PTBP2: variants seen among roughly 807,000 people sequenced by gnomAD.
The protein encoded by PTBP2 is polypyrimidine tract binding protein 2.
A neutral mutation model predicts 61.4 loss-of-function variants in PTBP2; 13 were observed. That is an observed-to-expected ratio of 0.21 (90% CI 0.14 to 0.34). PTBP2 has a LOEUF of 0.34. Ranked by LOEUF, PTBP2 falls within the 10% of genes least tolerant of loss-of-function variation. The pLI is 1.00. For synonymous variants in PTBP2, 215 were observed against 218.5 expected (o/e 0.98, Z 0.14); for missense variants, 405 against 642.6 (o/e 0.63, Z 4.00).
At chr1:96,766,304 A>G (rs1452106400) in intron 3 of PTBP2, among the ~76,000 whole-genome samples, 2 of 152,240 alleles carry the variant, frequency 1.3e-5, no homozygotes, top group Admixed American at 6.5e-5. Context: ...TTCATATACA[A>G]TGAATAAAAT....
intron 3 of PTBP2, among the ~76,000 whole-genome samples, chr1:96,752,353 A>G (rs1654655384): frequency 6.6e-6 from 1 of 152,170 alleles, no homozygotes; most frequent in African/African-American, 2.4e-5. Flanking sequence ...ATTTGGCAAT[A>G]AAAGGATCAT....
chr1:96,806,254 TC>T, intron 9 of PTBP2, among the ~76,000 whole-genome samples, 164 bp from the exon 10 acceptor site: 1 of 152,202 alleles, frequency 6.6e-6, no homozygotes. Context: ...GAACAAATGT[TC>T]CTCGGACCAA....
chr1:96,815,819 C>T (rs940361256), downstream of PTBP2: 2 of 152,116 alleles, frequency 1.3e-5, no homozygotes, highest in Admixed American at 6.6e-5. Flanking sequence ...GATTTGGAAG[C>T]TAGGTGATCT....
chr1:96,763,257 G>T (rs1656233455), intron 3 of PTBP2, among the ~76,000 whole-genome samples: 1 of 152,118 alleles, frequency 6.6e-6, no homozygotes, highest in Non-Finnish European at 1.5e-5. Context: ...AACGAGCCGA[G>T]ATCACGCCAC....
Position 96,812,294 on chromosome 1 carries a change from A to C in PTBP2, c.1172-418A>C, listed in dbSNP as rs562425726. ...TATGAGACTGAGTTATCCAGATAAA[A>C]AATAATGTCAGCGAGAAGTAGAGAA... is the stretch of plus-strand genomic sequence containing the variant. On this transcript the variant is annotated intron_variant, in intron 11 of 13. Coordinates refer to ENST00000674951, the MANE Select transcript of PTBP2 (RefSeq NM_021190.4). Among the ~76,000 whole-genome samples, 303 of 152,332 alleles carry C rather than the reference A, an allele frequency of 2.0e-3. 1 individual carries two copies. Among genetic ancestry groups the C allele is most frequent in the Non-Finnish European group, 3.4e-3 (233 of 68,026 alleles).
intron 8 of PTBP2, among the ~76,000 whole-genome samples, chr1:96,799,293 G>GTTTTTTTTTT (rs1557768004): frequency 2.3e-5 from 2 of 88,282 alleles, no homozygotes; most frequent in African/African-American, 1.2e-4. Context: ...AATAGATCAA[G>GTTTTTTTTTT]CTTTTTTTTT....
intron 2 of PTBP2, among the ~76,000 whole-genome samples, chr1:96,744,330 T>A (rs904461683): frequency 2.0e-5 from 3 of 152,208 alleles, no homozygotes; most frequent in Admixed American, 2.0e-4. Flanking sequence ...ATATATTTTT[T>A]AATTTTCTCA....
intron 11 of PTBP2, among the ~76,000 whole-genome samples, chr1:96,809,034 A>G (rs1314035216): frequency 6.6e-6 from 1 of 152,202 alleles, no homozygotes; most frequent in Non-Finnish European, 1.5e-5. Context: ...AAATACCTTT[A>G]TTAACTTAAG....
Position 96,785,214 on chromosome 1 carries a change from A to C in PTBP2, c.864A>C (p.Pro288=), listed in dbSNP as rs761387734. 6.2e-7 allele frequency: 1 copy of C among 1,602,380 alleles called. No individual in the cohort carries two copies. The highest frequency in any genetic ancestry group is 8.5e-7 in the Non-Finnish European group (1 of 1,175,782). Reference sequence around the variant, plus strand: ...GGGATGGACAACCTGCATTGGACCCAGCTATTGCTGCAGCATTTGCCAAGG... The same window carrying C: ...GGGATGGACAACCTGCATTGGACCCCGCTATTGCTGCAGCATTTGCCAAGG... ...PSGDGQPALD[P]AIAAAFAKET... Residue 288 remains proline, a synonymous_variant, in exon 8 of 14, where the codon CCA becomes CCC. Coordinates refer to ENST00000674951, the MANE Select transcript of PTBP2 (RefSeq NM_021190.4).
chr1:96,730,474 A>T (rs1651248572), intron 2 of PTBP2, among the ~76,000 whole-genome samples: 1 of 152,082 alleles, frequency 6.6e-6, no homozygotes. Context: ...TATTTATGTT[A>T]TTTAATTTCC....
At chr1:96,812,256 A>G (rs1319094760) in intron 11 of PTBP2, among the ~76,000 whole-genome samples, 1 of 152,222 alleles carries the variant, frequency 6.6e-6, no homozygotes, top group Non-Finnish European at 1.5e-5. Flanking sequence ...AAATTATCCA[A>G]CAGGAAGACA....
At chr1:96,807,885 C>T (rs1295336070) in intron 11 of PTBP2, among the ~76,000 whole-genome samples, 1 of 152,138 alleles carries the variant, frequency 6.6e-6, no homozygotes, top group Non-Finnish European at 1.5e-5. Context: ...TAAAGAGATA[C>T]GAAAGTGCTG....
chr1:96,751,193 A>G (rs1007627349), intron 2 of PTBP2: 1 of 573,350 alleles, frequency 1.7e-6, no homozygotes, highest in South Asian at 1.8e-5. Context: ...CACTTTTTCT[A>G]TTTATTGTCT....
chr1:96,793,349 A>G, intron 8 of PTBP2, among the ~76,000 whole-genome samples: 1 of 152,128 alleles, frequency 6.6e-6, no homozygotes, highest in East Asian at 1.9e-4. Context: ...AGAGTTGTTC[A>G]TTTAAATTGT....
chr1:96,821,613 A>T (rs1448495343), exon 14 of PTBP2: 1 of 147,696 alleles, frequency 6.8e-6, no homozygotes, highest in Non-Finnish European at 1.5e-5. Flanking sequence ...TAAATTGCTA[A>T]CATTTGCTTT....
At chr1:96,745,921 C>T (rs554995094) in intron 2 of PTBP2, among the ~76,000 whole-genome samples, 77 of 151,974 alleles carry the variant, frequency 5.1e-4, no homozygotes, top group Non-Finnish European at 8.4e-4. Context: ...CCATAATTAG[C>T]GGGGTATGGT....
intron 3 of PTBP2, among the ~76,000 whole-genome samples, chr1:96,761,449 A>T (rs1286811626): frequency 1.3e-5 from 2 of 151,662 alleles, no homozygotes; most frequent in Non-Finnish European, 2.9e-5. Context: ...TGTATTTCAC[A>T]GGTAGGATCA....
intron 8 of PTBP2, among the ~76,000 whole-genome samples, chr1:96,787,133 G>A (rs1305001476): frequency 1.3e-5 from 2 of 152,136 alleles, no homozygotes; most frequent in South Asian, 2.1e-4. Context: ...CGATTCTCCC[G>A]CCTCAGCCTC....
At chr1:96,722,246 G>C (rs1267951141) in intron 1 of PTBP2, among the ~76,000 whole-genome samples, 2 of 152,136 alleles carry the variant, frequency 1.3e-5, no homozygotes, top group South Asian at 4.1e-4. Context: ...CCTTGGGTTA[G>C]CGGTGCCTGT....
Sources: allele counts gnomAD v4.1 joint callset (sites outside exome capture counted in the v4.1 genomes callset), GRCh38; gene constraint gnomAD v4.1.1; transcripts MANE v1.5; gene names NCBI Gene and HGNC (gene_info 2026-07-23, HGNC 2026-07-21).